The following ZNF519 variants were observed in gnomAD, a reference collection of about 807,000 sequenced individuals.
The protein encoded by ZNF519 is similar to Zinc finger protein 85 (Zinc finger protein HPF4) (HTF1).
Under a neutral mutation model 7.4 loss-of-function variants are expected in ZNF519, and 7 were observed. The observed-to-expected ratio is 0.94, with a 90% confidence interval of 0.54 to 1.77. The LOEUF is 1.77. Among genes scored for constraint, ZNF519 ranks in the 40% most tolerant of loss-of-function variants. ZNF519 has a pLI of 0.00. For synonymous variants in ZNF519, 179 were observed against 203.3 expected (o/e 0.88, Z 1.02); for missense variants, 586 against 623.1 (o/e 0.94, Z 0.63).
intron 2 of ZNF519, among the ~76,000 whole-genome samples, chr18:14,086,929 T>TAACAACAAC (rs3062559): frequency 0.98 from 148,709 of 151,862 alleles, 72,851 homozygotes; most frequent in Middle Eastern, 1. Context: ...GACAAGGACA[T>TAACAACAAC]AACAACAACA....
rs982896086 is a variant in ZNF519 at position 14,122,782 on chromosome 18, AT to A, written c.130+1567del. Among the ~76,000 whole-genome samples, 70 of 149,836 alleles carry A rather than the reference AT, an allele frequency of 4.7e-4. No homozygotes were observed. The East Asian group carries it at 5.5e-3, about 12-fold the overall frequency. On this transcript the variant is annotated intron_variant, in intron 2 of 2. Coordinates refer to ENST00000590202, the MANE Select transcript of ZNF519 (RefSeq NM_145287.4). ...TTTTGAAAATTCACATTTCCAAGTG[AT>A]TTTTTTTTTATTATACTTTAAGTTC...
rs2046179541 is a variant in ZNF519, at chr18:14,104,827, G to A, written c.*90C>T. 1.5e-6 allele frequency: 2 copies of A among 1,306,926 alleles called. No homozygotes were observed. The highest frequency in any genetic ancestry group is 2.0e-6 in the Non-Finnish European group (2 of 979,766). 81.0% of individuals were successfully genotyped at this position (1,306,926 alleles called of 1,614,324 possible). A position where few individuals can be genotyped will look rare whatever the true frequency, so the allele number is the denominator to read the frequency against. On this transcript the variant is annotated 3_prime_UTR_variant, in exon 3 of 3. Transcript: ENST00000590202. The stretch of plus-strand genomic sequence containing the variant: ...TGTTTCAAAAATCATTACACATATG[G>A]GATTTCTATCCAGTATTGATTTTCT...
chr18:14,073,391 C>T (rs2046035890), downstream of ZNF519: 1 of 152,180 alleles, frequency 6.6e-6, no homozygotes, highest in Non-Finnish European at 1.5e-5. Flanking sequence ...CTATCTCAGC[C>T]TCTCAAGTAG....
At chr18:14,097,205 A>G (rs1381156149), downstream of ZNF519, among the ~76,000 whole-genome samples, 2 of 152,204 alleles carry the variant, frequency 1.3e-5, no homozygotes, top group Admixed American at 1.3e-4. Context: ...CAATTTCCTC[A>G]ATTTATGGCT....
downstream of ZNF519, among the ~76,000 whole-genome samples, chr18:14,097,885 A>G (rs11874358): frequency 0.24 from 37,116 of 152,022 alleles, 5,042 homozygotes; most frequent in African/African-American, 0.33. Flanking sequence ...TGTGAAGTAA[A>G]AAAACACAGT....
Position 14,104,504 on chromosome 18 carries a change from T to C in ZNF519, c.*413A>G, listed in dbSNP as rs1598515064. 6.3e-6 allele frequency: 1 copy of C among 158,002 alleles called. No individual in the cohort carries two copies. The highest frequency in any genetic ancestry group is 3.2e-3 in the Middle Eastern group (1 of 314). The allele number at this position is 158,002 out of a possible 1,614,324, so 9.8% of individuals were successfully genotyped here. A position where few individuals can be genotyped will look rare whatever the true frequency, so the allele number is the denominator to read the frequency against. ...CTACCTAACGTAGAAGGGACTCTCA[T>C]GTCAGAGACAGCAATAATCAACCAC... On this transcript the variant is annotated 3_prime_UTR_variant, in exon 3 of 3. Coordinates refer to ENST00000590202, the MANE Select transcript of ZNF519 (RefSeq NM_145287.4).
downstream of ZNF519, chr18:14,072,939 TG>T (rs920322444): frequency 1.3e-5 from 2 of 152,202 alleles, no homozygotes; most frequent in Non-Finnish European, 2.9e-5. Context: ...AAATATTTTT[TG>T]CCATACAACT....
At chr18:14,082,182 C>T (rs1406381150) in intron 3 of ZNF519, 1 of 151,990 alleles carries the variant, frequency 6.6e-6, no homozygotes, top group Non-Finnish European at 1.5e-5. Flanking sequence ...AATTAGAACA[C>T]CACTTTAGTT....
At chr18:14,125,035 A>G (rs2046291368) in intron 1 of ZNF519, among the ~76,000 whole-genome samples, 1 of 152,180 alleles carries the variant, frequency 6.6e-6, no homozygotes, top group Non-Finnish European at 1.5e-5. Flanking sequence ...GCAGGTTTAA[A>G]AAGGGTCCAT....
intron 2 of ZNF519, among the ~76,000 whole-genome samples, chr18:14,093,309 C>T (rs1405717151): frequency 1.3e-5 from 2 of 152,166 alleles, no homozygotes; most frequent in South Asian, 2.1e-4. Flanking sequence ...CCGCTTTCTC[C>T]TTTAAAACAT....
downstream of ZNF519, among the ~76,000 whole-genome samples, chr18:14,097,128 A>C (rs2046140031): frequency 6.6e-6 from 1 of 152,230 alleles, no homozygotes; most frequent in African/African-American, 2.4e-5. Context: ...CAAATGAAGT[A>C]GTTCCTTTTG....
intron 2 of ZNF519, among the ~76,000 whole-genome samples, chr18:14,107,954 C>T (rs1349366019): frequency 2.6e-5 from 4 of 152,184 alleles, no homozygotes; most frequent in Non-Finnish European, 5.9e-5. Flanking sequence ...TGACTAGCCC[C>T]TGGCTCCTGG....
downstream of ZNF519, chr18:14,074,873 T>C (rs1343516328): frequency 6.6e-6 from 1 of 152,278 alleles, no homozygotes; most frequent in East Asian, 1.9e-4. Context: ...CACCCCACTC[T>C]ACTGATACCA....
chr18:14,104,063 G>A lies in ZNF519; in HGVS notation c.*854C>T, dbSNP rs1351746928. 2.6e-5 allele frequency: 4 copies of A among 152,102 alleles called. No homozygotes were observed. In the East Asian group the frequency reaches 7.7e-4, roughly 29 times the overall value. The allele number at this position is 152,102 out of a possible 1,614,324, so 9.4% of individuals were successfully genotyped here. A position where few individuals can be genotyped will look rare whatever the true frequency, so the allele number is the denominator to read the frequency against. ...CTTAAACTGAGCCTAAGTATTTAGAGGATTGAATTAATAATCTATGTTCTA... is the reference window on the plus strand; with the variant it reads ...CTTAAACTGAGCCTAAGTATTTAGAAGATTGAATTAATAATCTATGTTCTA... On this transcript the variant is annotated 3_prime_UTR_variant, in exon 3 of 3. Coordinates refer to ENST00000590202, the MANE Select transcript of ZNF519 (RefSeq NM_145287.4).
At chr18:14,087,927 A>G (rs914462644) in intron 2 of ZNF519, among the ~76,000 whole-genome samples, 5 of 152,178 alleles carry the variant, frequency 3.3e-5, no homozygotes, top group Non-Finnish European at 5.9e-5. Flanking sequence ...AGTACACTGG[A>G]CAACATGCCC....
At chr18:14,085,317 G>A (rs2046086031) in intron 2 of ZNF519, among the ~76,000 whole-genome samples, 1 of 152,052 alleles carries the variant, frequency 6.6e-6, no homozygotes, top group African/African-American at 2.4e-5. Flanking sequence ...GTTCCAAAGT[G>A]TAAATATATT....
intron 2 of ZNF519, among the ~76,000 whole-genome samples, chr18:14,118,684 G>A (rs1356528897): frequency 6.6e-6 from 1 of 152,160 alleles, no homozygotes; most frequent in African/African-American, 2.4e-5. Context: ...TGGTCTTACT[G>A]AGGATCCTGA....
At position 14,105,271 on chromosome 18, in the gene ZNF519, C is replaced by T. The variant is rs923621439; in HGVS notation, c.1269G>A (p.Gln423=). The stretch of plus-strand genomic sequence containing the variant: ...AGTGTTTCTCTCCAGTATGGATTCT[C>T]TGATGTTGAGTAAGGTGTGAAGCTC... ...FNRASHLTQH[Q]RIHTGEKHFK... The change falls in exon 3 of 3, where the codon CAG becomes CAA. Residue 423 remains glutamine (Q), a synonymous_variant. Transcript: ENST00000590202. 1 of 1,613,612 alleles carries T rather than the reference C, an allele frequency of 6.2e-7. No individual in the cohort carries two copies. Among genetic ancestry groups the T allele is most frequent in the Non-Finnish European group, 8.5e-7 (1 of 1,179,718 alleles).
At chr18:14,099,169 T>A (rs1232827616), downstream of ZNF519, among the ~76,000 whole-genome samples, 1 of 151,862 alleles carries the variant, frequency 6.6e-6, no homozygotes, top group Non-Finnish European at 1.5e-5. Flanking sequence ...CTAGCCTCCC[T>A]GCTACTTCCC....
Sources: allele counts gnomAD v4.1 joint callset (sites outside exome capture counted in the v4.1 genomes callset), GRCh38; gene constraint gnomAD v4.1.1; transcripts MANE v1.5; gene names NCBI Gene and HGNC (gene_info 2026-07-23, HGNC 2026-07-21).